The following RBBP8NL variants were observed in gnomAD, a reference collection of about 807,000 sequenced individuals.
RBBP8NL encodes RBBP8 N-terminal-like protein.
A neutral mutation model predicts 62.2 loss-of-function variants in RBBP8NL; 59 were observed. The ratio of observed to expected loss-of-function variants is 0.95; its 90% CI spans 0.77 to 1.18. The LOEUF (loss-of-function observed/expected upper bound fraction) is 1.18, where lower values mean the gene tolerates loss of function less well. RBBP8NL is among the 50% of genes most tolerant of loss of function. The pLI, the probability that RBBP8NL is intolerant of heterozygous loss-of-function variation, is 0.00. For synonymous variants in RBBP8NL, 412 were observed against 394.1 expected (o/e 1.05, Z -0.54); for missense variants, 896 against 899.5 (o/e 1.00, Z 0.05).
rs1382458737 is a variant in RBBP8NL at position 62,415,921 on chromosome 20, C to A, written c.411G>T (p.Lys137Asn). 27 of 1,562,168 alleles carry A rather than the reference C, an allele frequency of 1.7e-5. No individual in the cohort carries two copies. The highest frequency in any genetic ancestry group is 2.2e-5 in the Non-Finnish European group (25 of 1,156,048). Residue 137 changes from lysine to asparagine, a missense_variant, in exon 7 of 14, where the codon AAG becomes AAT. Transcript: ENST00000252998. ...GTGAGGGGGGGTCCGAGGTGCCCTC[C>A]TTGGCCCGGGGCTTGGGCCTGTCTC... is the stretch of plus-strand genomic sequence containing the variant. ...GLGDRPKPRAKEGTSDPPSPL... is the reference protein window; with the variant it reads ...GLGDRPKPRANEGTSDPPSPL...
In RBBP8NL at chr20:62,414,550, C is replaced by T. The variant is rs1988519323; in HGVS notation, c.801G>A (p.Leu267=). 2 of 1,422,254 alleles carry T rather than the reference C, an allele frequency of 1.4e-6. No individual in the cohort carries two copies. Among genetic ancestry groups the T allele is most frequent in the African/African-American group, 2.9e-5 (2 of 69,390 alleles). 88.1% of individuals were successfully genotyped at this position (1,422,254 alleles called of 1,614,324 possible). ...YERGLSLDSF[L]RASRPSAMTH... is the part of the protein sequence containing the mutation. The stretch of plus-strand genomic sequence containing the variant: ...TCATGGCGGAGGGCCGGGAGGCCCG[C>T]AGGAAGCTGTGAGGGAGGAGAAGCC... The change falls in exon 10 of 14, where the codon CTG becomes CTA. Residue 267 remains leucine (L), a synonymous_variant. Coordinates refer to ENST00000252998, the MANE Select transcript of RBBP8NL (RefSeq NM_080833.3).
chr20:62,412,638 T>G lies in RBBP8NL; in HGVS notation c.1862A>C (p.Glu621Ala), dbSNP rs758640083. ...GPPRKRKRAS[E>A]PGDKASKKPS... ...GCCAGCTGTACCTTTGTCCCCAGGC[T>G]CCGAGGCCCGCTTCCTCTTCCGTGG... The change falls in exon 13 of 14, where the codon GAG becomes GCG. Residue 621 changes from glutamate to alanine, a missense_variant. Coordinates refer to ENST00000252998, the MANE Select transcript of RBBP8NL (RefSeq NM_080833.3). 5 of 1,605,254 alleles carry G rather than the reference T, an allele frequency of 3.1e-6. No individual in the cohort carries two copies. In the South Asian group the frequency reaches 5.5e-5, roughly 18 times the overall value.
At chr20:62,425,900 A>G (rs919919611) in intron 1 of RBBP8NL, among the ~76,000 whole-genome samples, 1 of 150,514 alleles carries the variant, frequency 6.6e-6, no homozygotes, top group African/African-American at 2.4e-5. Flanking sequence ...GCAGTGGCAT[A>G]GCAGTGGCAG....
At chr20:62,415,004 G>C in intron 9 of RBBP8NL, 117 bp downstream of exon 9, 1 of 1,184,606 alleles carries the variant, frequency 8.4e-7, no homozygotes, top group Non-Finnish European at 1.1e-6. Flanking sequence ...CCCAGAAAAA[G>C]CCAAGCCAGA....
chr20:62,411,558 A>T (rs191213601), intron 13 of RBBP8NL, among the ~76,000 whole-genome samples: 2 of 152,160 alleles, frequency 1.3e-5, no homozygotes, highest in Admixed American at 6.5e-5. Flanking sequence ...TGATGATCCT[A>T]CCTGCTGGGC....
chr20:62,416,293 G>GGCC, intron 5 of RBBP8NL, 57 bp from the exon 6 acceptor site: 2 of 701,050 alleles, frequency 2.9e-6, no homozygotes. Context: ...AGGGGCAGGG[G>GGCC]TGGGGTCGTC....
chr20:62,413,559 A>G lies in RBBP8NL; in HGVS notation c.1531-14T>C. On this transcript the variant is annotated splice_polypyrimidine_tract_variant and intron_variant, in intron 10 of 13. Coordinates refer to ENST00000252998, the MANE Select transcript of RBBP8NL (RefSeq NM_080833.3). ...GCGTGAGGGGTCCTGGGGGGAGGCAAGTAGGTGGCTTGAGTTTATTTGGGA... is the reference window on the plus strand; with the variant it reads ...GCGTGAGGGGTCCTGGGGGGAGGCAGGTAGGTGGCTTGAGTTTATTTGGGA... 6 of 1,510,082 alleles carry G rather than the reference A, an allele frequency of 4.0e-6. 1 individual carries two copies. The South Asian group carries it at 8.0e-5, about 20-fold the overall frequency. The allele number at this position is 1,510,082 out of a possible 1,614,324, so 93.5% of individuals were successfully genotyped here.
chr20:62,417,824 C>A (rs1262636413), intron 3 of RBBP8NL, among the ~76,000 whole-genome samples: 2 of 81,468 alleles, frequency 2.5e-5, no homozygotes, highest in Admixed American at 1.2e-4. Flanking sequence ...CCACGCAACG[C>A]CCCCCCAGTC....
chr20:62,424,517 G>A (rs539227550), intron 1 of RBBP8NL, among the ~76,000 whole-genome samples: 5 of 152,228 alleles, frequency 3.3e-5, no homozygotes, highest in South Asian at 2.1e-4. Flanking sequence ...CTTTGCCTTC[G>A]GGGGACTGCT....
In RBBP8NL at chr20:62,415,629, C is replaced by A. The variant is rs1988544832; in HGVS notation, c.576G>T (p.Val192=). ...GGGTGGCCCCTGGGGAGATTTTGGCCACTGGAGATGTCCTGTGCCCTGCTG... is the reference window on the plus strand; with the variant it reads ...GGGTGGCCCCTGGGGAGATTTTGGCAACTGGAGATGTCCTGTGCCCTGCTG... ...EKPAGHRTSP[V]AKISPGATLP... The change falls in exon 8 of 14, where the codon GTG becomes GTT. Residue 192 remains valine (V), a synonymous_variant. Transcript: ENST00000252998. The A allele has an allele frequency of 6.2e-7, 1 of 1,612,868 alleles. No homozygotes were observed. The highest frequency in any genetic ancestry group is 8.5e-7 in the Non-Finnish European group (1 of 1,179,928).
At chr20:62,414,786 T>C (rs1004698142) in intron 9 of RBBP8NL, among the ~76,000 whole-genome samples, 7 of 152,204 alleles carry the variant, frequency 4.6e-5, no homozygotes, top group Non-Finnish European at 8.8e-5. Flanking sequence ...GCCTGTGGTC[T>C]GGGCTCCAAG....
At position 62,427,079 on chromosome 20, in the gene RBBP8NL, G is replaced by T. The variant is rs987714749; in HGVS notation, c.-84+381C>A. Among the ~76,000 whole-genome samples, 4 of 152,220 alleles carry T rather than the reference G, an allele frequency of 2.6e-5. No individual in the cohort carries two copies. In the East Asian group the frequency reaches 7.7e-4, roughly 29 times the overall value. ...GCACCACCCTCACCCCTGTGGCTGCGCCCGCTTATCCTCTTGTGAACCTGG... is the reference window on the plus strand; with the variant it reads ...GCACCACCCTCACCCCTGTGGCTGCTCCCGCTTATCCTCTTGTGAACCTGG... On this transcript the variant is annotated intron_variant, in intron 1 of 13. Transcript: ENST00000252998.
At chr20:62,426,351 C>G (rs1988808276) in intron 1 of RBBP8NL, among the ~76,000 whole-genome samples, 1 of 152,278 alleles carries the variant, frequency 6.6e-6, no homozygotes, top group Non-Finnish European at 1.5e-5. Context: ...CCCTCTGCAC[C>G]TTGACCCGCT....
rs1161346419 is a variant in RBBP8NL, at chr20:62,414,367, C to T, written c.984G>A (p.Glu328=). The change falls in exon 10 of 14, where the codon GAG becomes GAA. Residue 328 remains glutamate, a synonymous_variant. Coordinates refer to ENST00000252998, the MANE Select transcript of RBBP8NL (RefSeq NM_080833.3). The part of the protein sequence containing the change: ...RLQDLKAREA[E]AWEEPTELLG... ...GCAGTTCTGTGGGCTCCTCCCAGGC[C>T]TCTGCTTCTCTGGCCTTCAGGTCCT... 29 of 1,548,284 alleles carry T rather than the reference C, an allele frequency of 1.9e-5. No homozygotes were observed. The highest frequency in any genetic ancestry group is 2.4e-5 in the Non-Finnish European group (28 of 1,144,336).
intron 1 of RBBP8NL, among the ~76,000 whole-genome samples, chr20:62,427,046 G>A (rs1253891674): frequency 1.3e-5 from 2 of 152,208 alleles, no homozygotes; most frequent in African/African-American, 4.8e-5. Flanking sequence ...TGCGGGTGCT[G>A]CACCCCTGCA....
In RBBP8NL at chr20:62,410,998, T is replaced by C. The variant is rs201753539; in HGVS notation, c.1877-2A>G. On this transcript the variant is annotated splice_acceptor_variant, in intron 13 of 13. Coordinates refer to ENST00000252998, the MANE Select transcript of RBBP8NL (RefSeq NM_080833.3). LOFTEE classifies it high-confidence loss of function. ...TCCCTCTGGATGGCTTTTTGGAGGC[T>C]ATGGGAAGTGGCCGGAGGTCAGGCC... 2 of 1,597,912 alleles carry C rather than the reference T, an allele frequency of 1.3e-6. No homozygotes were observed. The highest frequency in any genetic ancestry group is 1.7e-6 in the Non-Finnish European group (2 of 1,165,558).
At position 62,415,535 on chromosome 20, in the gene RBBP8NL, C is replaced by T. The variant is rs576855203; in HGVS notation, c.627+43G>A. 26 of 1,597,554 alleles carry T rather than the reference C, an allele frequency of 1.6e-5. 1 individual carries two copies. In the South Asian group the frequency reaches 2.3e-4, roughly 14 times the overall value. ...AGCTGCCTCCAGCCTCCTGCCTGCGCCGGCCCAGCTGCACATGGTGGGCTC... is the reference window on the plus strand; with the variant it reads ...AGCTGCCTCCAGCCTCCTGCCTGCGTCGGCCCAGCTGCACATGGTGGGCTC... On this transcript the variant is annotated intron_variant, in intron 8 of 13. Coordinates refer to ENST00000252998, the MANE Select transcript of RBBP8NL (RefSeq NM_080833.3).
intron 1 of RBBP8NL, among the ~76,000 whole-genome samples, chr20:62,421,705 T>TGTGTGCATGATAGGCA (rs1212605451): frequency 8.7e-5 from 13 of 149,132 alleles, no homozygotes; most frequent in African/African-American, 3.0e-4. Flanking sequence ...GTGTGTGGCA[T>TGTGTGCATGATAGGCA]GTGTGCATGA....
In RBBP8NL at chr20:62,416,742, C is replaced by A. The variant is rs1429307393; in HGVS notation, c.313+18G>T. On this transcript the variant is annotated intron_variant, in intron 5 of 13. Coordinates refer to ENST00000252998, the MANE Select transcript of RBBP8NL (RefSeq NM_080833.3). ...CCCCGTGGGAGAGGACCCCGGTTGT[C>A]TGGTGGGTGGGGCTCACTGAGGATG... 4 of 1,547,418 alleles carry A rather than the reference C, an allele frequency of 2.6e-6. No homozygotes were observed. The highest frequency in any genetic ancestry group is 3.5e-6 in the Non-Finnish European group (4 of 1,137,022).
Sources: allele counts gnomAD v4.1 joint callset (sites outside exome capture counted in the v4.1 genomes callset), GRCh38; gene constraint gnomAD v4.1.1; transcripts MANE v1.5; gene names NCBI Gene and HGNC (gene_info 2026-07-23, HGNC 2026-07-21).